Variants in COP1 observed in about 807,000 individuals in gnomAD.
COP1 encodes the protein E3 ubiquitin-protein ligase COP1.
Under a neutral mutation model 101.3 loss-of-function variants are expected in COP1, and 24 were observed. The ratio of observed to expected loss-of-function variants is 0.24; its 90% CI spans 0.17 to 0.33. The LOEUF (loss-of-function observed/expected upper bound fraction) is 0.33, where lower values mean the gene tolerates loss of function less well. Ranked by LOEUF, COP1 falls within the 10% of genes least tolerant of loss-of-function variation. COP1 has a pLI of 1.00. For synonymous variants in COP1, 347 were observed against 341.9 expected, an observed-to-expected ratio of 1.01 and a Z score of -0.17; for missense variants, 663 against 906.2, an observed-to-expected ratio of 0.73 and a Z score of 3.45.
chr1:176,168,041 G>C (rs964336982), intron 3 of COP1, among the ~76,000 whole-genome samples: 1 of 151,772 alleles, frequency 6.6e-6, no homozygotes, highest in Non-Finnish European at 1.5e-5. Flanking sequence ...TCATTAGAGA[G>C]GTAAGAAAAT....
intron 2 of COP1, among the ~76,000 whole-genome samples, chr1:176,181,879 G>C (rs958157352): frequency 2.0e-5 from 3 of 151,314 alleles, no homozygotes; most frequent in African/African-American, 7.3e-5. Context: ...AAAAACACAC[G>C]TTCTCATCAG....
At chr1:175,998,367 C>G (rs905793148) in intron 15 of COP1, among the ~76,000 whole-genome samples, 1 of 150,826 alleles carries the variant, frequency 6.6e-6, no homozygotes, top group Non-Finnish European at 1.5e-5. Flanking sequence ...TGCTAAATGA[C>G]GAATTAATGG....
In COP1 at chr1:175,969,429, T is replaced by G. The variant is rs140183724; in HGVS notation, c.2133+17514A>C. Among the ~76,000 whole-genome samples, 398 of 152,238 alleles carry G rather than the reference T, an allele frequency of 2.6e-3. 3 individuals carry two copies. Among genetic ancestry groups the G allele is most frequent in the African/African-American group, 9.1e-3 (380 of 41,534 alleles). ...AGGTCATAAGACTCTCATTCCAGAGTTGCCTATCCTTACCTGAGGAAAGGA... is the reference window on the plus strand; with the variant it reads ...AGGTCATAAGACTCTCATTCCAGAGGTGCCTATCCTTACCTGAGGAAAGGA... On this transcript the variant is annotated intron_variant, in intron 18 of 19. Coordinates refer to ENST00000367669, the MANE Select transcript of COP1 (RefSeq NM_022457.7).
intron 18 of COP1, among the ~76,000 whole-genome samples, chr1:175,955,772 A>ACACACACACACACT (rs1650562083): frequency 6.7e-6 from 1 of 149,208 alleles, no homozygotes; most frequent in East Asian, 2.0e-4. Context: ...CAAACCACAC[A>ACACACACACACACT]CACACACACA....
At chr1:176,130,700 C>A (rs902941966) in intron 8 of COP1, among the ~76,000 whole-genome samples, 13 of 151,588 alleles carry the variant, frequency 8.6e-5, no homozygotes, top group Non-Finnish European at 3.0e-5. Context: ...AAATGACATT[C>A]TAGGTTAGGT....
intron 6 of COP1, among the ~76,000 whole-genome samples, chr1:176,141,989 C>T (rs532787381): frequency 6.6e-6 from 1 of 152,182 alleles, no homozygotes; most frequent in South Asian, 2.1e-4. Flanking sequence ...CCTACCTTCG[C>T]CAACGTGTTA....
intron 3 of COP1, chr1:176,168,738 G>T: frequency 2.9e-6 from 1 of 343,384 alleles, no homozygotes; most frequent in South Asian, 2.2e-5. Flanking sequence ...GGAGCAGACA[G>T]AGTATGCACA....
chr1:176,168,310 G>C (rs1450795250), intron 3 of COP1, among the ~76,000 whole-genome samples: 1 of 151,466 alleles, frequency 6.6e-6, no homozygotes, highest in Non-Finnish European at 1.5e-5. Context: ...GCCCGTGTCA[G>C]ACTCTCAAAG....
chr1:176,143,282 T>G (rs1352681269), intron 6 of COP1, among the ~76,000 whole-genome samples: 2 of 152,076 alleles, frequency 1.3e-5, no homozygotes, highest in African/African-American at 4.8e-5. Context: ...AAACAATGAC[T>G]AGAAAAAATT....
chr1:176,012,301 GT>G (rs1255123663), intron 15 of COP1, among the ~76,000 whole-genome samples: 2 of 152,160 alleles, frequency 1.3e-5, no homozygotes, highest in Non-Finnish European at 2.9e-5. Flanking sequence ...GCTCCACTAA[GT>G]TTTTGTGGAG....
chr1:176,088,760 C>T (rs1680692254), intron 9 of COP1, among the ~76,000 whole-genome samples: 2 of 151,844 alleles, frequency 1.3e-5, no homozygotes, highest in Admixed American at 1.3e-4. Context: ...TTTTGGGAGG[C>T]CAAGTTGGGC....
intron 1 of COP1, among the ~76,000 whole-genome samples, chr1:176,197,260 T>C (rs1185378643): frequency 2.0e-5 from 3 of 152,016 alleles, no homozygotes; most frequent in Non-Finnish European, 1.5e-5. Context: ...TAAAAACTTA[T>C]AAAAATTATC....
In COP1 at chr1:176,162,907, A is replaced by C; in HGVS notation, c.724T>G (p.Leu242Val). The change falls in exon 5 of 20, where the codon TTG becomes GTG. Residue 242 changes from leucine to valine, a missense_variant. Physicochemically the swap from Leu to Val is conservative, Grantham distance 32 (BLOSUM62 1). This residue lies in a region of COP1 where 212 missense variants were observed against 240.7 expected (regional missense o/e 0.88). Transcript: ENST00000367669. ...NLDLANVNLM[L>V]ELLVQKKKQL... ...TTCTTCTTCTGCACTAGTAACTCCA[A>C]CATAAGATTGACATTGGCCAAATCA... The C allele has an allele frequency of 6.2e-7, 1 of 1,609,578 alleles. No individual in the cohort carries two copies. Among genetic ancestry groups the C allele is most frequent in the Non-Finnish European group, 8.5e-7 (1 of 1,177,930 alleles).
chr1:175,996,826 A>G (rs1409464559), intron 15 of COP1, among the ~76,000 whole-genome samples: 18 of 152,032 alleles, frequency 1.2e-4, no homozygotes, highest in South Asian at 2.1e-4. Context: ...ATACTGCCCA[A>G]GGTAATTTAT....
At chr1:176,068,310 T>C (rs551389256) in intron 11 of COP1, among the ~76,000 whole-genome samples, 18 of 152,172 alleles carry the variant, frequency 1.2e-4, no homozygotes, top group Non-Finnish European at 2.2e-4. Context: ...GTTCTCAAAG[T>C]GTGGTTGCAG....
In COP1 at chr1:176,008,333, C is replaced by T. The variant is rs570020904; in HGVS notation, c.1730-18854G>A. On this transcript the variant is annotated intron_variant, in intron 15 of 19. Coordinates refer to ENST00000367669, the MANE Select transcript of COP1 (RefSeq NM_022457.7). ...GTTGCTCATGCTGGGAGCTGTAGAC[C>T]GGAGCTGTTCCTATTCGGCCATCTT... Among the ~76,000 whole-genome samples the T allele has an allele frequency of 8.7e-4, 132 of 152,236 alleles. 2 individuals carry two copies. Among genetic ancestry groups the T allele is most frequent in the Admixed American group, 4.0e-3 (61 of 15,306 alleles).
chr1:176,078,745 A>G (rs1678548325), intron 11 of COP1, among the ~76,000 whole-genome samples: 1 of 152,134 alleles, frequency 6.6e-6, no homozygotes, highest in African/African-American at 2.4e-5. Flanking sequence ...CAAACTATGC[A>G]TCTGACAAAG....
At chr1:176,158,021 T>C (rs922084751) in intron 5 of COP1, among the ~76,000 whole-genome samples, 6 of 152,220 alleles carry the variant, frequency 3.9e-5, no homozygotes, top group African/African-American at 1.4e-4. Context: ...CTGAAAATTT[T>C]CTAAATCTGA....
chr1:176,037,414 A>C (rs1271873096), intron 14 of COP1, among the ~76,000 whole-genome samples: 1 of 151,972 alleles, frequency 6.6e-6, no homozygotes, highest in African/African-American at 2.4e-5. Flanking sequence ...CTCAAAAAAA[A>C]AAAGTATAAG....
Sources: gnomAD v4.1 joint callset for allele counts (sites outside exome capture counted in the v4.1 genomes callset) on GRCh38, gnomAD v4.1.1 for gene constraint, gnomAD v4.1.1 regional missense constraint, MANE v1.5 for transcripts, NCBI Gene and HGNC (gene_info 2026-07-23, HGNC 2026-07-21) for gene names.